The following CMTR1 variants were observed in gnomAD, a reference collection of about 807,000 sequenced individuals.
CMTR1 encodes the protein cap methyltransferase 1.
In CMTR1, 39 loss-of-function variants were observed where a neutral mutation model predicts 107.0. The ratio of observed to expected loss-of-function variants is 0.36; its 90% CI spans 0.28 to 0.48. CMTR1 has a LOEUF of 0.48. Among genes scored for constraint, CMTR1 ranks in the 20% least tolerant of loss-of-function variants. The pLI is 0.99. For missense variants in CMTR1, 672 were observed against 1,064.9 expected, an observed-to-expected ratio of 0.63 and a Z score of 5.14; for synonymous variants, 366 against 379.5, an observed-to-expected ratio of 0.96 and a Z score of 0.41.
In CMTR1 at chr6:37,471,907, G is replaced by A; in HGVS notation, c.1620+3G>A. 6.2e-7 allele frequency: 1 copy of A among 1,612,718 alleles called. No homozygotes were observed. Among genetic ancestry groups the A allele is most frequent in the Non-Finnish European group, 8.5e-7 (1 of 1,179,648 alleles). On this transcript the variant is annotated splice_donor_region_variant and intron_variant, in intron 15 of 23. Coordinates refer to ENST00000373451, the MANE Select transcript of CMTR1 (RefSeq NM_015050.3). ...AGGAGTGCCTCCGACTCTGGGGGGT[G>A]AGTATCTCCCCCGCCCATTGCTGCT...
intron 13 of CMTR1, among the ~76,000 whole-genome samples, chr6:37,463,671 C>CT (rs1219621677): frequency 6.6e-6 from 1 of 152,032 alleles, no homozygotes; most frequent in East Asian, 1.9e-4. Flanking sequence ...TTGGAAAGGC[C>CT]TTAGTTAAGG....
Position 37,444,129 on chromosome 6 carries a change from T to C in CMTR1, c.264T>C (p.Asn88=), listed in dbSNP as rs1021829754. Residue 88 remains asparagine, a synonymous_variant, in exon 3 of 24, where the codon AAT becomes AAC. Transcript: ENST00000373451. The part of the protein sequence containing the change: ...EGTSSRYSMY[N]SVSQKLMAKM... ...CTTCTTCTCGCTATTCCATGTATAA[T>C]AGCGTCTCCCAGAAGCTTATGGTAT... 5 of 1,614,180 alleles carry C rather than the reference T, an allele frequency of 3.1e-6. No homozygotes were observed. Among genetic ancestry groups the C allele is most frequent in the Non-Finnish European group, 4.2e-6 (5 of 1,180,026 alleles).
chr6:37,458,716 T>G lies in CMTR1; in HGVS notation c.882T>G (p.His294Gln), dbSNP rs746241679. The G allele has an allele frequency of 4.3e-6, 7 of 1,614,016 alleles. No homozygotes were observed. The change falls in exon 9 of 24, where the codon CAT becomes CAG. Residue 294 changes from histidine (H) to glutamine (Q), a missense_variant. By Grantham distance (24) the His-to-Gln change is conservative. Coordinates refer to ENST00000373451, the MANE Select transcript of CMTR1 (RefSeq NM_015050.3). This position sits in a 1 kb window ranked among gnomAD's most constrained non-coding sequence, Gnocchi z 4.7. ...SEYVLWRKKW[H>Q]AKGFGMTLKG... is the part of the protein sequence containing the mutation. ...ATGTGCTGTGGAGGAAGAAGTGGCATGCAAAGGGCTTTGGAATGACTTTGA... is the reference window on the plus strand; with the variant it reads ...ATGTGCTGTGGAGGAAGAAGTGGCAGGCAAAGGGCTTTGGAATGACTTTGA...
At chr6:37,425,746 A>G in the CMTR1 span, among the ~76,000 whole-genome samples, 1 of 152,034 alleles carries the variant, frequency 6.6e-6, no homozygotes, top group Non-Finnish European at 1.5e-5. Context: ...GTTGATTGTA[A>G]TGTGTCTTGA....
At position 37,481,368 on chromosome 6, in the gene CMTR1, A is replaced by T. The variant is rs942486678; in HGVS notation, c.*1223A>T. 3.4e-5 allele frequency: 40 copies of T among 1,189,210 alleles called. No individual in the cohort carries two copies. Among genetic ancestry groups the T allele is most frequent in the Non-Finnish European group, 4.1e-5 (39 of 943,324 alleles). 73.7% of individuals were successfully genotyped at this position (1,189,210 alleles called of 1,614,324 possible). A position where few individuals can be genotyped will look rare whatever the true frequency, so the allele number is the denominator to read the frequency against. ...CCGTGAGGTTGGAATCGACTTCACC[A>T]TGGGGGTCCTTCAGCCAGCATCCAG... On this transcript the variant is annotated 3_prime_UTR_variant, in exon 24 of 24. Coordinates refer to ENST00000373451, the MANE Select transcript of CMTR1 (RefSeq NM_015050.3).
intron 2 of CMTR1, among the ~76,000 whole-genome samples, chr6:37,437,631 G>A (rs1351752213): frequency 6.6e-6 from 1 of 151,942 alleles, no homozygotes; most frequent in Non-Finnish European, 1.5e-5. Flanking sequence ...CTGCTTCAAA[G>A]TCACAGTAGA....
the CMTR1 span, among the ~76,000 whole-genome samples, chr6:37,425,401 A>C: frequency 1.3e-5 from 2 of 151,118 alleles, no homozygotes; most frequent in African/African-American, 4.9e-5. Context: ...AGTTCAAACA[A>C]TTCTCGTGCC....
chr6:37,478,327 G>A, intron 21 of CMTR1, 82 bp from the exon 22 acceptor site: 1 of 1,054,768 alleles, frequency 9.5e-7, no homozygotes, highest in Non-Finnish European at 1.5e-6. Flanking sequence ...TACTGCAGTT[G>A]GGGTGATTTT....
chr6:37,456,751 T>C (rs1761304070), intron 8 of CMTR1, among the ~76,000 whole-genome samples: 1 of 152,224 alleles, frequency 6.6e-6, no homozygotes, highest in Non-Finnish European at 1.5e-5. Context: ...CTTGTAGAAC[T>C]CAACCTTTTG....
Position 37,480,200 on chromosome 6 carries a change from C to T in CMTR1, c.*55C>T. 6.3e-7 allele frequency: 1 copy of T among 1,590,090 alleles called. No homozygotes were observed. Among genetic ancestry groups the T allele is most frequent in the Admixed American group, 1.8e-5 (1 of 55,546 alleles). ...TGCCCTGTCATTCCTGAGATGGGGCCACCTGGGGCCCACAGTGCTGGCTTC... is the reference window on the plus strand; with the variant it reads ...TGCCCTGTCATTCCTGAGATGGGGCTACCTGGGGCCCACAGTGCTGGCTTC... On this transcript the variant is annotated 3_prime_UTR_variant, in exon 24 of 24. Transcript: ENST00000373451.
In CMTR1 at chr6:37,458,745, G is replaced by T; in HGVS notation, c.911G>T (p.Gly304Val). The T allele has an allele frequency of 6.2e-7, 1 of 1,614,120 alleles. No homozygotes were observed. The highest frequency in any genetic ancestry group is 8.5e-7 in the Non-Finnish European group (1 of 1,180,032). Residue 304 changes from glycine to valine, a missense_variant, in exon 9 of 24, where the codon GGC (glycine) becomes GTC (valine). Transcript: ENST00000373451. The surrounding 1 kb of genome is among the most constrained non-coding windows in gnomAD (Gnocchi z 4.7). Reference protein sequence around the residue: ...HAKGFGMTLKGPNDFKLEDFY... With the variant: ...HAKGFGMTLKVPNDFKLEDFY... ...AAGGGCTTTGGAATGACTTTGAAGG[G>T]CCCTAATGACTTCAAGCTGGAGGAC...
intron 2 of CMTR1, among the ~76,000 whole-genome samples, chr6:37,442,191 G>A (rs545568336): frequency 1.3e-5 from 2 of 152,330 alleles, no homozygotes; most frequent in Admixed American, 1.3e-4. Context: ...AATAGGTGCT[G>A]AACCAGTATA....
chr6:37,449,162 T>C (rs1771876180), intron 4 of CMTR1, among the ~76,000 whole-genome samples: 1 of 152,086 alleles, frequency 6.6e-6, no homozygotes, highest in Non-Finnish European at 1.5e-5. Flanking sequence ...CCCAGACTGG[T>C]CTTAAACTCC....
chr6:37,438,226 A>C (rs960983976), intron 2 of CMTR1, among the ~76,000 whole-genome samples: 59 of 152,248 alleles, frequency 3.9e-4, no homozygotes, highest in African/African-American at 1.4e-3. Flanking sequence ...CAAAAAATAC[A>C]GATATTAGCT....
At chr6:37,447,180 T>C (rs974998668) in intron 4 of CMTR1, among the ~76,000 whole-genome samples, 7 of 152,376 alleles carry the variant, frequency 4.6e-5, no homozygotes, top group African/African-American at 1.7e-4. Flanking sequence ...TCTAGCTTTC[T>C]GCATAGTTGC....
In CMTR1 at chr6:37,473,604, A is replaced by G; in HGVS notation, c.1821+3A>G. ...AGAAGTTCCTCATCGGCCTGGGGGT[A>G]AGTCTGCAGCTGGCTTCCTGCCCAG... On this transcript the variant is annotated splice_donor_region_variant and intron_variant, in intron 17 of 23. Transcript: ENST00000373451. 6.2e-7 allele frequency: 1 copy of G among 1,612,844 alleles called. No individual in the cohort carries two copies. The highest frequency in any genetic ancestry group is 8.5e-7 in the Non-Finnish European group (1 of 1,179,312).
At chr6:37,474,387 C>A in intron 17 of CMTR1, 137 bp from the exon 18 acceptor site, 3 of 976,240 alleles carry the variant, frequency 3.1e-6, no homozygotes, top group Admixed American at 2.2e-5. Context: ...TGGATTTAAT[C>A]TCTCATAGAC....
At chr6:37,478,569 C>A in intron 22 of CMTR1, 48 bp downstream of exon 22, 1 of 1,483,440 alleles carries the variant, frequency 6.7e-7, no homozygotes, top group South Asian at 1.1e-5. Context: ...TCTCCCCTCT[C>A]CTCGCCAGGT....
intron 8 of CMTR1, among the ~76,000 whole-genome samples, chr6:37,456,016 G>A (rs1441565911): frequency 6.6e-6 from 1 of 152,176 alleles, no homozygotes; most frequent in Non-Finnish European, 1.5e-5. Context: ...TCCTGGCCAT[G>A]ACCTATAAGG....
Sources: gnomAD v4.1 joint callset for allele counts (sites outside exome capture counted in the v4.1 genomes callset) on GRCh38, gnomAD v4.1.1 for gene constraint, Gnocchi (gnomAD v3.1) non-coding constraint, MANE v1.5 for transcripts, NCBI Gene and HGNC (gene_info 2026-07-23, HGNC 2026-07-21) for gene names.